Variants in CELF2 observed in about 807,000 individuals in gnomAD.
CELF2 encodes the protein CUG triplet repeat RNA-binding protein 2.
Under a neutral mutation model 62.6 loss-of-function variants are expected in CELF2, and 8 were observed. The observed-to-expected ratio is 0.13, with a 90% CI of 0.07 to 0.23. The LOEUF is 0.23. Ranked by LOEUF, CELF2 falls within the 10% of genes least tolerant of loss-of-function variation. The pLI, the probability that CELF2 is intolerant of heterozygous loss-of-function variation, is 1.00. For missense variants in CELF2, 333 were observed against 671.0 expected (o/e 0.50, Z 5.56); for synonymous variants, 258 against 250.0 (o/e 1.03, Z -0.30).
the CELF2 span, among the ~76,000 whole-genome samples, chr10:10,643,123 G>C: frequency 1.3e-5 from 2 of 152,228 alleles, no homozygotes; most frequent in African/African-American, 4.8e-5. Flanking sequence ...GCCAGAAGAG[G>C]ACAAACATGC....
At position 11,325,948 on chromosome 10, in the gene CELF2, T is replaced by C; in HGVS notation, c.1407T>C (p.Ile469=). 3 of 1,613,946 alleles carry C rather than the reference T, an allele frequency of 1.9e-6. No homozygotes were observed. Among genetic ancestry groups the C allele is most frequent in the Non-Finnish European group, 2.5e-6 (3 of 1,179,952 alleles). ...FGNVISAKVF[I]DKQTNLSKCF... is the part of the protein sequence containing the mutation. ...ATGTTATCTCTGCTAAAGTCTTCAT[T>C]GACAAACAGACCAATCTGAGCAAGT... is the stretch of plus-strand genomic sequence containing the variant. Residue 469 remains isoleucine (I), a synonymous_variant, in exon 12 of 13, where the codon ATT becomes ATC. Coordinates refer to ENST00000633077, the MANE Select transcript of CELF2 (RefSeq NM_001326342.2).
At chr10:11,032,432 TA>T (rs1275989436) in intron 1 of CELF2, among the ~76,000 whole-genome samples, 1 of 152,096 alleles carries the variant, frequency 6.6e-6, no homozygotes, top group Non-Finnish European at 1.5e-5. Context: ...AGCCTGTCCC[TA>T]AAAAAATAAA....
intron 1 of CELF2, among the ~76,000 whole-genome samples, chr10:11,163,089 A>G (rs1596415091): frequency 6.6e-6 from 1 of 152,176 alleles, no homozygotes; most frequent in Non-Finnish European, 1.5e-5. Flanking sequence ...TACTTCCCTT[A>G]CTTGATGCAT....
At chr10:10,907,008 G>T (rs545339089) in intron 1 of CELF2, among the ~76,000 whole-genome samples, 1 of 152,122 alleles carries the variant, frequency 6.6e-6, no homozygotes, top group East Asian at 1.9e-4. Flanking sequence ...TGAGCCACGA[G>T]AACGTACCTT....
intron 1 of CELF2, among the ~76,000 whole-genome samples, chr10:11,104,156 A>C (rs958419486): frequency 6.6e-6 from 1 of 152,184 alleles, no homozygotes; most frequent in African/African-American, 2.4e-5. Flanking sequence ...CAAATTGTAC[A>C]AGTCTATATA....
At chr10:10,731,771 G>C in the CELF2 span, among the ~76,000 whole-genome samples, 2 of 152,118 alleles carry the variant, frequency 1.3e-5, no homozygotes, top group Non-Finnish European at 2.9e-5. Flanking sequence ...AGAGCACTCG[G>C]TAGGAACAGA....
At chr10:10,879,702 G>A (rs2061331466) in intron 1 of CELF2, among the ~76,000 whole-genome samples, 1 of 152,216 alleles carries the variant, frequency 6.6e-6, no homozygotes. Flanking sequence ...TTGTATTATT[G>A]TGCCTTCTAC....
chr10:10,736,188 C>G, the CELF2 span, among the ~76,000 whole-genome samples: 8 of 152,130 alleles, frequency 5.3e-5, no homozygotes, highest in Non-Finnish European at 1.2e-4. Context: ...AGAGCTTGGT[C>G]CGATATATTC....
intron 2 of CELF2, among the ~76,000 whole-genome samples, chr10:10,963,194 C>G (rs1359738481): frequency 6.6e-6 from 1 of 152,054 alleles, no homozygotes. Flanking sequence ...GCTGGGATTA[C>G]AGGCACACGC....
chr10:10,683,766 A>G, the CELF2 span, among the ~76,000 whole-genome samples: 12 of 152,186 alleles, frequency 7.9e-5, no homozygotes, highest in Non-Finnish European at 1.5e-4. Context: ...TTACGATTTC[A>G]TTGCTCAAGT....
the CELF2 span, among the ~76,000 whole-genome samples, chr10:10,730,360 C>T: frequency 6.6e-6 from 1 of 152,252 alleles, no homozygotes; most frequent in Non-Finnish European, 1.5e-5. Context: ...GCCTGTAATC[C>T]CAGCTACTTG....
At chr10:10,718,985 C>CTTTTT in the CELF2 span, among the ~76,000 whole-genome samples, 1 of 125,128 alleles carries the variant, frequency 8.0e-6, no homozygotes, top group Non-Finnish European at 1.7e-5. Context: ...TTATTATTCT[C>CTTTTT]TTTTTTTTTT....
chr10:11,257,881 G>A lies in CELF2; in HGVS notation c.538+9G>A, dbSNP rs2079285965. On this transcript the variant is annotated intron_variant, in intron 5 of 12. Transcript: ENST00000633077. ...TGATGGGCTGAGTCGAGGTGAGTGT[G>A]CTGTCTGGAAAGCCTCTCCCCTTCA... 1.9e-6 allele frequency: 3 copies of A among 1,613,976 alleles called. No homozygotes were observed. The East Asian group carries it at 6.7e-5, about 36-fold the overall frequency.
chr10:10,559,646 T>A, the CELF2 span, among the ~76,000 whole-genome samples: 1 of 152,180 alleles, frequency 6.6e-6, no homozygotes, highest in Non-Finnish European at 1.5e-5. Context: ...ACATTATTAT[T>A]TGGAAAGGGC....
rs878968457 is a variant in CELF2, at chr10:11,319,687, G to A, written c.1097-1502G>A. 18 of 435,750 alleles carry A rather than the reference G, an allele frequency of 4.1e-5. No individual in the cohort carries two copies. Among genetic ancestry groups the A allele is most frequent in the South Asian group, 1.1e-4 (6 of 56,864 alleles). 27.0% of individuals were successfully genotyped at this position (435,750 alleles called of 1,614,324 possible). On this transcript the variant is annotated intron_variant, in intron 10 of 12. Coordinates refer to ENST00000633077, the MANE Select transcript of CELF2 (RefSeq NM_001326342.2). The surrounding 1 kb of genome is among the most constrained non-coding windows in gnomAD (Gnocchi z 4.4). ...CTCCATTCTCACGCCATTCACACTC[G>A]TCTCGCCACCCCTGCTTGGTGTCTG...
intron 2 of CELF2, among the ~76,000 whole-genome samples, chr10:11,197,042 A>AAAGAAAGAAAGAAAGAAAGAAAGAAAG (rs2057975008): frequency 5.4e-5 from 1 of 18,600 alleles, no homozygotes; most frequent in Non-Finnish European, 1.6e-4. Flanking sequence ...AGAAAGAAAG[A>AAAGAAAGAAAGAAAGAAAGAAAGAAAG]AAGAAAGAAA....
At chr10:10,868,352 C>T (rs7071068) in intron 1 of CELF2, among the ~76,000 whole-genome samples, 1 of 151,978 alleles carries the variant, frequency 6.6e-6, no homozygotes, top group South Asian at 2.1e-4. Context: ...GCTTGTGACT[C>T]GAATACCTAC....
chr10:10,902,344 T>G (rs896784334), intron 1 of CELF2, among the ~76,000 whole-genome samples: 2 of 152,224 alleles, frequency 1.3e-5, no homozygotes, highest in African/African-American at 4.8e-5. Context: ...ACAACCCACA[T>G]GTTCCTCAAG....
In CELF2 at chr10:11,302,854, G is replaced by T. The variant is rs528430449; in HGVS notation, c.977-11285G>T. ...AAGTTGGAGCCTTCACCAGAGTTCT[G>T]CCTGGAAGCATTAGAATCCTGCCTT... On this transcript the variant is annotated intron_variant, in intron 9 of 12. Transcript: ENST00000633077. The surrounding 1 kb of genome is among the most constrained non-coding windows in gnomAD (Gnocchi z 5.0). Among the ~76,000 whole-genome samples the T allele has an allele frequency of 6.6e-6, 1 of 152,284 alleles. No individual in the cohort carries two copies. Among genetic ancestry groups the T allele is most frequent in the African/African-American group, 2.4e-5 (1 of 41,556 alleles).
Sources: allele counts gnomAD v4.1 joint callset (sites outside exome capture counted in the v4.1 genomes callset), GRCh38; gene constraint gnomAD v4.1.1; non-coding constraint Gnocchi (gnomAD v3.1); transcripts MANE v1.5; gene names NCBI Gene and HGNC (gene_info 2026-07-23, HGNC 2026-07-21).